Variants in RPGRIP1 observed in about 807,000 individuals in gnomAD.
The protein encoded by RPGRIP1 is X-linked retinitis pigmentosa GTPase regulator-interacting protein 1.
In RPGRIP1, 128 loss-of-function variants were observed where a neutral mutation model predicts 157.9. The ratio of observed to expected loss-of-function variants is 0.81; its 90% CI spans 0.70 to 0.94. RPGRIP1 has a LOEUF of 0.94. RPGRIP1 is among the 40% of genes least tolerant of loss of function. The probability of loss-of-function intolerance (pLI) is 0.00; values close to 1 mark genes in which losing one functional copy is unlikely to be tolerated. For synonymous variants in RPGRIP1, 554 were observed against 571.6 expected (o/e 0.97, Z 0.44); for missense variants, 1,486 against 1,545.8 (o/e 0.96, Z 0.65).
intron 17 of RPGRIP1, among the ~76,000 whole-genome samples, chr14:21,326,659 C>T (rs111562487): frequency 2.6e-5 from 4 of 152,002 alleles, no homozygotes; most frequent in Admixed American, 6.6e-5. Flanking sequence ...CGTGAGCCAC[C>T]GCGCCTGGCT....
Position 21,321,298 on chromosome 14 carries a change from C to T in RPGRIP1, c.1507C>T (p.Gln503Ter). The T allele has an allele frequency of 6.2e-7, 1 of 1,613,878 alleles. No individual in the cohort carries two copies. The highest frequency in any genetic ancestry group is 2.2e-5 in the East Asian group (1 of 44,874). Reference sequence around the variant, plus strand: ...AAACCAAGAAGAAAAGAAACTGTCCCAGGTGCTAAATGAGTTGCAAGTATC... The same window carrying T: ...AAACCAAGAAGAAAAGAAACTGTCCTAGGTGCTAAATGAGTTGCAAGTATC... ...PKNQEEKKLS[Q>*]VLNELQVSHA... The change falls in exon 13 of 25, where the codon CAG becomes TAG. Residue 503 changes from glutamine to a stop codon, truncating the protein, a stop_gained. Transcript: ENST00000400017. LOFTEE classifies it high-confidence loss of function.
At chr14:21,313,812 A>G (rs1021231777) in intron 10 of RPGRIP1, among the ~76,000 whole-genome samples, 2 of 151,684 alleles carry the variant, frequency 1.3e-5, no homozygotes, top group African/African-American at 4.8e-5. Flanking sequence ...GATACATTGT[A>G]AAAAGAAAAA....
At position 21,310,487 on chromosome 14, in the gene RPGRIP1, T is replaced by C. The variant is rs1395341323; in HGVS notation, c.907-97T>C. The C allele has an allele frequency of 2.6e-5, 17 of 659,632 alleles. No individual in the cohort carries two copies. In the East Asian group the frequency reaches 5.2e-4, roughly 20 times the overall value. The allele number at this position is 659,632 out of a possible 1,614,324, so 40.9% of individuals were successfully genotyped here. ...CAAATTGATTTGTTTTGTGGGATTT[T>C]TATAATGTCTTTAAAAATGTTAAGC... On this transcript the variant is annotated intron_variant, in intron 7 of 24. Coordinates refer to ENST00000400017, the MANE Select transcript of RPGRIP1 (RefSeq NM_020366.4).
intron 4 of RPGRIP1, among the ~76,000 whole-genome samples, chr14:21,301,722 T>TAATA (rs1443437374): frequency 8.0e-5 from 6 of 75,122 alleles, no homozygotes; most frequent in South Asian, 4.8e-4. Context: ...ATAATAATAA[T>TAATA]AAAAAATTAG....
intron 1 of RPGRIP1, among the ~76,000 whole-genome samples, chr14:21,281,699 A>T (rs10133345): frequency 0.31 from 33,578 of 108,362 alleles, 4,160 homozygotes; most frequent in South Asian, 0.39. Context: ...AAAAAAAAAA[A>T]AAATAAATAA....
intron 20 of RPGRIP1, among the ~76,000 whole-genome samples, chr14:21,333,804 A>G (rs1439524948): frequency 3.9e-5 from 6 of 152,186 alleles, no homozygotes; most frequent in Admixed American, 3.3e-4. Flanking sequence ...GAGACAGTCC[A>G]AAAGATCCAC....
intron 23 of RPGRIP1, among the ~76,000 whole-genome samples, chr14:21,347,746 AGAGACT>A (rs1885709741): frequency 6.6e-6 from 1 of 152,122 alleles, no homozygotes; most frequent in Non-Finnish European, 1.5e-5. Context: ...TTTTTCTTTT[AGAGACT>A]GGGTCTCGTT....
chr14:21,293,142 G>C (rs1880607594), intron 2 of RPGRIP1, among the ~76,000 whole-genome samples: 1 of 152,044 alleles, frequency 6.6e-6, no homozygotes, highest in Non-Finnish European at 1.5e-5. Flanking sequence ...GCGAAACTCT[G>C]TCTCAATAAA....
chr14:21,321,839 A>C lies in RPGRIP1; in HGVS notation c.1612-15A>C, dbSNP rs1479546031. 2 of 1,608,916 alleles carry C rather than the reference A, an allele frequency of 1.2e-6. No individual in the cohort carries two copies. Among genetic ancestry groups the C allele is most frequent in the South Asian group, 2.2e-5 (2 of 90,118 alleles). ...GCCACTGAGATAGAAAAGTTCAGACATTATTTTGTTTCAGGAGGAACTGGA... is the reference window on the plus strand; with the variant it reads ...GCCACTGAGATAGAAAAGTTCAGACCTTATTTTGTTTCAGGAGGAACTGGA... On this transcript the variant is annotated splice_polypyrimidine_tract_variant and intron_variant, in intron 13 of 24. Coordinates refer to ENST00000400017, the MANE Select transcript of RPGRIP1 (RefSeq NM_020366.4).
At chr14:21,291,184 AT>A (rs773967131) in intron 2 of RPGRIP1, among the ~76,000 whole-genome samples, 29 of 152,034 alleles carry the variant, frequency 1.9e-4, no homozygotes, top group Non-Finnish European at 1.5e-5. Flanking sequence ...CAATTTTTAA[AT>A]TGGATTATTT....
chr14:21,292,692 A>G (rs931397611), intron 2 of RPGRIP1, among the ~76,000 whole-genome samples: 34 of 151,980 alleles, frequency 2.2e-4, no homozygotes, highest in African/African-American at 8.0e-4. Context: ...AAATACAAAA[A>G]TTAGCTGGCT....
At position 21,326,187 on chromosome 14, in the gene RPGRIP1, G is replaced by T; in HGVS notation, c.2710+14G>T. ...AATCTATCAAAGGTGGGAGTTCGAG[G>T]TTATTACATCTTCACGCCCTCTTCC... On this transcript the variant is annotated intron_variant, in intron 17 of 24. Transcript: ENST00000400017. 6.6e-7 allele frequency: 1 copy of T among 1,523,350 alleles called. No individual in the cohort carries two copies. The highest frequency in any genetic ancestry group is 8.9e-7 in the Non-Finnish European group (1 of 1,124,798). The allele number at this position is 1,523,350 out of a possible 1,614,324, so 94.4% of individuals were successfully genotyped here.
chr14:21,313,435 A>G (rs1471074682), intron 10 of RPGRIP1, among the ~76,000 whole-genome samples: 2 of 152,168 alleles, frequency 1.3e-5, no homozygotes, highest in African/African-American at 4.8e-5. Flanking sequence ...AACCACTGAT[A>G]AGAGATTGAT....
intron 3 of RPGRIP1, among the ~76,000 whole-genome samples, chr14:21,299,924 G>A (rs1285492391): frequency 6.6e-6 from 1 of 152,178 alleles, no homozygotes; most frequent in Non-Finnish European, 1.5e-5. Flanking sequence ...CTTGGGAGGT[G>A]GGAGAGGGAG....
chr14:21,350,357 C>T (rs55884255), intron 24 of RPGRIP1, among the ~76,000 whole-genome samples: 8,029 of 131,910 alleles, frequency 0.061, 774 homozygotes, highest in African/African-American at 0.22. Context: ...GCCTGGGTGA[C>T]AGAACAAGAC....
At chr14:21,349,599 T>C (rs1451953687) in intron 24 of RPGRIP1, among the ~76,000 whole-genome samples, 1 of 151,250 alleles carries the variant, frequency 6.6e-6, no homozygotes, top group Non-Finnish European at 1.5e-5. Flanking sequence ...ATGGGGTTTC[T>C]TCATGTTGGT....
At chr14:21,335,016 G>A (rs1281343163) in intron 21 of RPGRIP1, among the ~76,000 whole-genome samples, 5 of 142,650 alleles carry the variant, frequency 3.5e-5, no homozygotes, top group African/African-American at 8.0e-5. Context: ...ATTGCACTCC[G>A]GCCTGGGCAA....
intron 11 of RPGRIP1, 94 bp downstream of exon 11, chr14:21,317,944 C>A (rs1881941736): frequency 1.9e-6 from 2 of 1,038,082 alleles, no homozygotes; most frequent in African/African-American, 3.2e-5. Context: ...TTAATCCCCT[C>A]ACTTGATCCT....
At chr14:21,350,391 A>AAAAAAAAC (rs61359212) in intron 24 of RPGRIP1, among the ~76,000 whole-genome samples, 41 of 142,808 alleles carry the variant, frequency 2.9e-4, no homozygotes, top group African/African-American at 1.0e-3. Context: ...AAAAAAAAAA[A>AAAAAAAAC]AAAAAGAAAA....
Sources: gnomAD v4.1 joint callset for allele counts (sites outside exome capture counted in the v4.1 genomes callset) on GRCh38, gnomAD v4.1.1 for gene constraint, MANE v1.5 for transcripts, NCBI Gene and HGNC (gene_info 2026-07-23, HGNC 2026-07-21) for gene names.